Variants in RGP1 observed in about 807,000 individuals in gnomAD.
RGP1 encodes the protein RGP1 partner of RAB6A GEF complex.
In RGP1, 28 loss-of-function variants were observed where a neutral mutation model predicts 44.5. The ratio of observed to expected loss-of-function variants is 0.63; its 90% CI spans 0.47 to 0.86. RGP1 has a LOEUF of 0.86. Among genes scored for constraint, RGP1 ranks in the 40% least tolerant of loss-of-function variants. The pLI is 0.00. For synonymous variants in RGP1, 212 were observed against 196.7 expected (o/e 1.08, Z -0.65); for missense variants, 417 against 490.7 (o/e 0.85, Z 1.42).
chr9:35,767,292 T>TG, the RGP1 span, among the ~76,000 whole-genome samples: 7 of 150,448 alleles, frequency 4.7e-5, no homozygotes, highest in African/African-American at 1.7e-4. Flanking sequence ...GGTTTTTTTT[T>TG]TTTTTTTTTT....
the RGP1 span, among the ~76,000 whole-genome samples, chr9:35,776,775 C>T: frequency 3.3e-5 from 5 of 151,830 alleles, no homozygotes; most frequent in African/African-American, 7.3e-5. Context: ...GTGAGCAGAT[C>T]ATGAGGTCAG....
At chr9:35,788,302 C>T in the RGP1 span, among the ~76,000 whole-genome samples, 2 of 152,204 alleles carry the variant, frequency 1.3e-5, no homozygotes, top group African/African-American at 4.8e-5. Flanking sequence ...GGCGTGGTGG[C>T]TTACGCCTGT....
chr9:35,775,290 C>T, the RGP1 span, among the ~76,000 whole-genome samples: 3 of 152,160 alleles, frequency 2.0e-5, no homozygotes, highest in East Asian at 5.8e-4. Flanking sequence ...GCTGAGAAGC[C>T]TTTCAAGGGA....
intron 8 of RGP1, among the ~76,000 whole-genome samples, 162 bp downstream of exon 8, chr9:35,752,307 C>T (rs755567613): frequency 5.3e-5 from 8 of 152,188 alleles, no homozygotes; most frequent in Non-Finnish European, 1.0e-4. Flanking sequence ...CTTCCTGTTT[C>T]TTAGATGCAC....
At chr9:35,762,932 C>T (rs1395751875), downstream of RGP1, among the ~76,000 whole-genome samples, 2 of 150,716 alleles carry the variant, frequency 1.3e-5, no homozygotes, top group African/African-American at 2.4e-5. Context: ...AGCTGAGATA[C>T]GGAAGAAGTG....
chr9:35,770,677 T>G, the RGP1 span, among the ~76,000 whole-genome samples: 4 of 152,114 alleles, frequency 2.6e-5, no homozygotes, highest in African/African-American at 9.7e-5. Context: ...TGTGGTGTCA[T>G]GGAGGGTGTA....
At chr9:35,751,515 T>C (rs1827264423) in intron 6 of RGP1, 103 bp downstream of exon 6, 1 of 1,592,516 alleles carries the variant, frequency 6.3e-7, no homozygotes, top group Non-Finnish European at 8.6e-7. Context: ...GATCCACTGA[T>C]ACCTGACACC....
the RGP1 span, among the ~76,000 whole-genome samples, chr9:35,776,161 A>G: frequency 6.6e-6 from 1 of 152,128 alleles, no homozygotes; most frequent in African/African-American, 2.4e-5. Flanking sequence ...GCTGGCATCA[A>G]ATTACTCCTC....
the RGP1 span, among the ~76,000 whole-genome samples, chr9:35,765,066 A>G: frequency 4.6e-5 from 7 of 151,664 alleles, no homozygotes; most frequent in South Asian, 6.2e-4. Context: ...ACAGATTGCA[A>G]TGAGCCAAGA....
At chr9:35,781,871 T>C in the RGP1 span, among the ~76,000 whole-genome samples, 7 of 152,052 alleles carry the variant, frequency 4.6e-5, no homozygotes, top group Non-Finnish European at 8.8e-5. Flanking sequence ...GATGGAAGCA[T>C]CTAATTACAA....
At chr9:35,776,741 A>G in the RGP1 span, among the ~76,000 whole-genome samples, 3 of 151,828 alleles carry the variant, frequency 2.0e-5, no homozygotes, top group South Asian at 6.2e-4. Flanking sequence ...CACGCCTGTA[A>G]TCCCAGCACT....
Position 35,753,123 on chromosome 9 carries a change from C to T in RGP1, c.*249C>T. The T allele has an allele frequency of 6.2e-7, 1 of 1,614,040 alleles. No homozygotes were observed. Among genetic ancestry groups the T allele is most frequent in the Non-Finnish European group, 8.5e-7 (1 of 1,179,908 alleles). ...GTTTAGCTGGAGTGGGGAGCAGGAG[C>T]CCCAGGAACAGGGGTGTTGGCTGAG... On this transcript the variant is annotated 3_prime_UTR_variant, in exon 9 of 9. Transcript: ENST00000378078. This position sits in a 1 kb window ranked among gnomAD's most constrained non-coding sequence, Gnocchi z 4.2.
At chr9:35,781,970 T>C in the RGP1 span, among the ~76,000 whole-genome samples, 338 of 149,814 alleles carry the variant, frequency 2.3e-3, 1 homozygote, top group African/African-American at 7.8e-3. Flanking sequence ...AGTTATTGTC[T>C]TTTATTTCTC....
the RGP1 span, among the ~76,000 whole-genome samples, chr9:35,784,998 C>T: frequency 6.6e-6 from 1 of 152,146 alleles, no homozygotes; most frequent in South Asian, 2.1e-4. Flanking sequence ...CTTTAAGACA[C>T]TTTGATTCAC....
chr9:35,760,503 T>C (rs1169390228), downstream of RGP1, among the ~76,000 whole-genome samples: 1 of 152,214 alleles, frequency 6.6e-6, no homozygotes, highest in East Asian at 1.9e-4. Context: ...AGAATTACTG[T>C]ACTAGAATAT....
At chr9:35,762,112 T>A (rs1394817807), downstream of RGP1, among the ~76,000 whole-genome samples, 1 of 152,016 alleles carries the variant, frequency 6.6e-6, no homozygotes, top group East Asian at 1.9e-4. Context: ...TGAGATTCTG[T>A]TGAAAAAAAA....
In RGP1 at chr9:35,750,737, A is replaced by C; in HGVS notation, c.333A>C (p.Lys111Asn). The change falls in exon 4 of 9, where the codon AAA becomes AAC. Residue 111 changes from lysine to asparagine, a missense_variant. Lys to Asn is a moderately conservative substitution (Grantham distance 94, BLOSUM62 0). Transcript: ENST00000378078. The stretch of plus-strand genomic sequence containing the variant: ...TGAGGCTTGATCCTGGAGAGTCCAA[A>C]TCATGTGAGTGATTGTCCCCATCCC... ...CDLRLDPGES[K>N]SYSYSEVLPI... 1 of 1,613,972 alleles carries C rather than the reference A, an allele frequency of 6.2e-7. No individual in the cohort carries two copies. Among genetic ancestry groups the C allele is most frequent in the Non-Finnish European group, 8.5e-7 (1 of 1,179,872 alleles).
At chr9:35,775,502 C>G in the RGP1 span, among the ~76,000 whole-genome samples, 321 of 152,166 alleles carry the variant, frequency 2.1e-3, 1 homozygote, top group African/African-American at 6.9e-3. Context: ...TGGCTTCTCT[C>G]GTTCAGTTTT....
downstream of RGP1, among the ~76,000 whole-genome samples, chr9:35,759,455 T>G (rs1827398126): frequency 6.7e-6 from 1 of 150,242 alleles, no homozygotes. Context: ...CCAGCTACTC[T>G]GGAGGCTGGG....
Sources: gnomAD v4.1 joint callset for allele counts (sites outside exome capture counted in the v4.1 genomes callset) on GRCh38, gnomAD v4.1.1 for gene constraint, Gnocchi (gnomAD v3.1) non-coding constraint, MANE v1.5 for transcripts, NCBI Gene and HGNC (gene_info 2026-07-23, HGNC 2026-07-21) for gene names.